Variants in KCNAB1 observed in about 807,000 individuals in gnomAD.
KCNAB1 encodes voltage-gated potassium channel subunit beta-1.
KCNAB1 carries 35 observed loss-of-function variants against 64.6 expected under a neutral mutation model. That is an observed-to-expected ratio of 0.54 (90% CI 0.41 to 0.72). The LOEUF is 0.72. Among genes scored for constraint, KCNAB1 ranks in the 30% least tolerant of loss-of-function variants. The probability of loss-of-function intolerance (pLI) is 0.00; values close to 1 mark genes in which losing one functional copy is unlikely to be tolerated. For missense variants in KCNAB1, 401 were observed against 512.9 expected (o/e 0.78, Z 2.11); for synonymous variants, 177 against 183.8 (o/e 0.96, Z 0.30).
intron 1 of KCNAB1, among the ~76,000 whole-genome samples, chr3:156,203,828 C>A (rs1172112226): frequency 6.6e-6 from 1 of 152,134 alleles, no homozygotes; most frequent in Non-Finnish European, 1.5e-5. Flanking sequence ...ATAATATTTT[C>A]TAAAGTTTAC....
intron 1 of KCNAB1, among the ~76,000 whole-genome samples, chr3:156,178,157 A>G (rs1394653255): frequency 6.6e-6 from 1 of 152,208 alleles, no homozygotes; most frequent in Non-Finnish European, 1.5e-5. Flanking sequence ...TCGAGTTTCC[A>G]CTGTGATTTT....
chr3:156,347,346 T>G (rs1040112158), intron 1 of KCNAB1, among the ~76,000 whole-genome samples: 3 of 152,208 alleles, frequency 2.0e-5, no homozygotes, highest in African/African-American at 7.2e-5. Flanking sequence ...TAATCAGCCC[T>G]AACAGGTGAG....
chr3:156,243,385 C>T (rs891334885), intron 1 of KCNAB1, among the ~76,000 whole-genome samples: 6 of 152,086 alleles, frequency 3.9e-5, no homozygotes, highest in South Asian at 2.1e-4. Context: ...CCACCATGCC[C>T]GGCTAATTTC....
In KCNAB1 at chr3:156,286,466, G is replaced by T. The variant is rs148264010; in HGVS notation, c.276-135150G>T. On this transcript the variant is annotated intron_variant, in intron 1 of 13. Coordinates refer to ENST00000490337, the MANE Select transcript of KCNAB1 (RefSeq NM_172160.3). ...CATAATTGAGTGTTTTCTGTCCCCT[G>T]TTGGCTGTGGTTTCCAATGGAATAT... is the stretch of plus-strand genomic sequence containing the variant. Among the ~76,000 whole-genome samples the T allele has an allele frequency of 6.2e-3, 951 of 152,288 alleles. 5 individuals carry two copies. Among genetic ancestry groups the T allele is most frequent in the African/African-American group, 0.022 (912 of 41,546 alleles).
chr3:156,469,679 T>C (rs545273232), intron 7 of KCNAB1, among the ~76,000 whole-genome samples: 1 of 152,272 alleles, frequency 6.6e-6, no homozygotes, highest in East Asian at 1.9e-4. Flanking sequence ...TTTCAAACTT[T>C]TGAGATGGAA....
chr3:156,354,120 G>GTGTATATA lies in KCNAB1; in HGVS notation c.276-67495_276-67494insGTATATAT, dbSNP rs372765461. ...AATATATGTATATATATGTGTGTGT[G>GTGTATATA]TATATATATATATATATATATATGT... On this transcript the variant is annotated intron_variant, in intron 1 of 13. Transcript: ENST00000490337. Among the ~76,000 whole-genome samples the GTGTATATA allele has an allele frequency of 2.1e-3, 284 of 132,552 alleles. 4 individuals are homozygous for GTGTATATA. The highest frequency in any genetic ancestry group is 3.6e-3 in the East Asian group (17 of 4,746). 87.0% of individuals were successfully genotyped at this position (132,552 alleles called of 152,430 possible). A position where few individuals can be genotyped will look rare whatever the true frequency, so the allele number is the denominator to read the frequency against.
chr3:156,197,250 G>A (rs1415557461), intron 1 of KCNAB1, among the ~76,000 whole-genome samples: 2 of 152,172 alleles, frequency 1.3e-5, no homozygotes, highest in Non-Finnish European at 2.9e-5. Flanking sequence ...CAGGGATATT[G>A]GCCTGAAATT....
At chr3:156,313,696 T>C (rs898574548) in intron 1 of KCNAB1, among the ~76,000 whole-genome samples, 5 of 152,254 alleles carry the variant, frequency 3.3e-5, no homozygotes, top group Non-Finnish European at 7.3e-5. Flanking sequence ...AAGACTTGAC[T>C]GAGTTAGGGA....
Position 156,536,663 on chromosome 3 carries a change from C to T in KCNAB1, c.1176C>T (p.Leu392=), listed in dbSNP as rs1719077710. 1.2e-5 allele frequency: 19 copies of T among 1,609,512 alleles called. No homozygotes were observed. The highest frequency in any genetic ancestry group is 1.6e-5 in the Non-Finnish European group (19 of 1,175,746). The part of the protein sequence containing the change: ...LIENLGAIQV[L]PKMTSHVVNE... ...ACTTCTCCTCCTGCTCTCAGGTTCT[C>T]CCAAAGATGACATCACATGTGGTAA... Residue 392 remains leucine (L), a synonymous_variant, in exon 14 of 14, where the codon CTC becomes CTT. Coordinates refer to ENST00000490337, the MANE Select transcript of KCNAB1 (RefSeq NM_172160.3).
rs1195185075 is a variant in KCNAB1, at chr3:156,497,347, C to T, written c.659-17017C>T. On this transcript the variant is annotated intron_variant, in intron 8 of 13. Transcript: ENST00000490337. ...TTAAAGGAGCAATGAAGATTGCTTCCTGTTATAGCATGAAACTGGATTTAC... is the reference window on the plus strand; with the variant it reads ...TTAAAGGAGCAATGAAGATTGCTTCTTGTTATAGCATGAAACTGGATTTAC... 2.0e-5 allele frequency among the ~76,000 whole-genome samples: 3 copies of T among 152,312 alleles called. No individual in the cohort carries two copies. The East Asian group carries it at 5.8e-4, about 29-fold the overall frequency.
chr3:156,532,478 C>T (rs1028194217), intron 13 of KCNAB1, among the ~76,000 whole-genome samples: 7 of 152,222 alleles, frequency 4.6e-5, no homozygotes, highest in Non-Finnish European at 2.9e-5. Flanking sequence ...AAAGAACTGT[C>T]TCACAGCTTC....
chr3:156,147,451 A>G (rs1044787172), intron 1 of KCNAB1, among the ~76,000 whole-genome samples: 3 of 152,216 alleles, frequency 2.0e-5, no homozygotes, highest in Admixed American at 6.5e-5. Flanking sequence ...TGCATAATGG[A>G]AAAAAGTGAC....
chr3:156,271,760 C>T (rs1719050897), intron 1 of KCNAB1, among the ~76,000 whole-genome samples: 1 of 152,154 alleles, frequency 6.6e-6, no homozygotes, highest in Non-Finnish European at 1.5e-5. Context: ...TAAATGTTCA[C>T]CAGTGTCTGG....
intron 1 of KCNAB1, among the ~76,000 whole-genome samples, chr3:156,269,904 C>CG (rs1718925055): frequency 6.8e-6 from 1 of 147,206 alleles, no homozygotes; most frequent in South Asian, 2.2e-4. Flanking sequence ...AACAGATGAC[C>CG]GGGGCTTGCT....
chr3:156,227,998 G>A (rs1228240203), intron 1 of KCNAB1: 1 of 152,228 alleles, frequency 6.6e-6, no homozygotes, highest in African/African-American at 2.4e-5. Flanking sequence ...GAGAGAGCAG[G>A]TAAGTGGTAG....
chr3:156,176,892 C>T (rs1039049450), intron 1 of KCNAB1: 27 of 1,141,072 alleles, frequency 2.4e-5, no homozygotes, highest in Admixed American at 9.5e-5. Context: ...TGGGCCTGTA[C>T]GCTTCTGCTG....
chr3:156,453,942 C>T (rs1176259783), intron 3 of KCNAB1, among the ~76,000 whole-genome samples: 2 of 152,222 alleles, frequency 1.3e-5, no homozygotes, highest in Non-Finnish European at 2.9e-5. Flanking sequence ...TAGTGGGGTA[C>T]CTGGCCCAGA....
intron 1 of KCNAB1, among the ~76,000 whole-genome samples, chr3:156,129,084 G>A (rs1028503611): frequency 2.0e-5 from 3 of 152,118 alleles, no homozygotes; most frequent in East Asian, 3.9e-4. Flanking sequence ...CAACCTCATA[G>A]TCTTGTTACA....
At chr3:156,401,454 G>A (rs1241596778) in intron 1 of KCNAB1, among the ~76,000 whole-genome samples, 1 of 152,182 alleles carries the variant, frequency 6.6e-6, no homozygotes, top group East Asian at 1.9e-4. Flanking sequence ...TTTTTATAGA[G>A]AGGCAGTGAA....
Sources: allele counts gnomAD v4.1 joint callset (sites outside exome capture counted in the v4.1 genomes callset), GRCh38; gene constraint gnomAD v4.1.1; transcripts MANE v1.5; gene names NCBI Gene and HGNC (gene_info 2026-07-23, HGNC 2026-07-21).